The following NRCAM variants were observed in gnomAD, a reference collection of about 807,000 sequenced individuals.
NRCAM encodes NgCAM-related cell adhesion molecule.
A neutral mutation model predicts 156.5 loss-of-function variants in NRCAM; 83 were observed. The ratio of observed to expected loss-of-function variants is 0.53; its 90% CI spans 0.44 to 0.64. The LOEUF is 0.64. Ranked by LOEUF, NRCAM falls within the 30% of genes least tolerant of loss-of-function variation. The pLI is 0.00. For synonymous variants in NRCAM, 538 were observed against 563.9 expected (o/e 0.95, Z 0.65); for missense variants, 1,417 against 1,597.3 (o/e 0.89, Z 1.92).
At chr7:108,329,559 C>A (rs1419347024) in intron 2 of NRCAM, among the ~76,000 whole-genome samples, 1 of 152,176 alleles carries the variant, frequency 6.6e-6, no homozygotes, top group African/African-American at 2.4e-5. Flanking sequence ...TACGGTTATT[C>A]ACTTCCAAAC....
intron 2 of NRCAM, among the ~76,000 whole-genome samples, chr7:108,372,048 C>G (rs189428213): frequency 6.6e-6 from 1 of 152,086 alleles, no homozygotes; most frequent in East Asian, 1.9e-4. Flanking sequence ...GAACAGCAAG[C>G]CCAGAAATAA....
intron 2 of NRCAM, among the ~76,000 whole-genome samples, chr7:108,358,291 G>C (rs2099521835): frequency 6.7e-6 from 1 of 150,086 alleles, no homozygotes; most frequent in South Asian, 2.1e-4. Context: ...TGTAGTCCCA[G>C]CTACTCGGGA....
At chr7:108,193,438 C>G (rs1165859163) in intron 17 of NRCAM, among the ~76,000 whole-genome samples, 3 of 152,220 alleles carry the variant, frequency 2.0e-5, no homozygotes, top group Non-Finnish European at 4.4e-5. Flanking sequence ...CATATCTACT[C>G]TGTACTACTA....
chr7:108,184,377 T>C, intron 21 of NRCAM, 40 bp downstream of exon 21: 2 of 1,613,600 alleles, frequency 1.2e-6, no homozygotes, highest in Non-Finnish European at 1.7e-6. Flanking sequence ...AACTTTTTTA[T>C]TATATTTCGT....
At chr7:108,229,859 C>A (rs964031543) in intron 8 of NRCAM, among the ~76,000 whole-genome samples, 2 of 152,154 alleles carry the variant, frequency 1.3e-5, no homozygotes, top group Admixed American at 1.3e-4. Flanking sequence ...GGCAGAGCAA[C>A]AAACATGCCC....
intron 26 of NRCAM, among the ~76,000 whole-genome samples, chr7:108,176,959 T>A (rs1161206869): frequency 6.6e-6 from 1 of 152,186 alleles, no homozygotes; most frequent in African/African-American, 2.4e-5. Context: ...TTCAGAGGAC[T>A]TTTGCCAAAG....
chr7:108,372,552 A>G (rs1388918154), intron 2 of NRCAM, among the ~76,000 whole-genome samples: 1 of 144,952 alleles, frequency 6.9e-6, no homozygotes, highest in Non-Finnish European at 1.5e-5. Context: ...TTGAGCAGAC[A>G]TTTCTCCAAA....
At chr7:108,360,699 G>A (rs922225546) in intron 2 of NRCAM, among the ~76,000 whole-genome samples, 5 of 152,136 alleles carry the variant, frequency 3.3e-5, no homozygotes, top group Admixed American at 1.3e-4. Context: ...TACATTTATG[G>A]TCAACTGATT....
chr7:108,331,114 G>A (rs933326770), intron 2 of NRCAM, among the ~76,000 whole-genome samples: 13 of 152,242 alleles, frequency 8.5e-5, no homozygotes, highest in Non-Finnish European at 1.2e-4. Flanking sequence ...CAAAGTAGAT[G>A]CAGGCTGGGC....
chr7:108,331,309 G>A (rs1025989396), intron 2 of NRCAM, among the ~76,000 whole-genome samples: 4 of 152,008 alleles, frequency 2.6e-5, no homozygotes, highest in African/African-American at 9.7e-5. Context: ...GCTGAGGTAG[G>A]AGGATCCCTT....
At chr7:108,194,226 G>A in intron 16 of NRCAM, 36 bp downstream of exon 16, 1 of 1,610,694 alleles carries the variant, frequency 6.2e-7, no homozygotes, top group Non-Finnish European at 8.5e-7. Context: ...TTTGTTCAAA[G>A]TCATTTAAAA....
At chr7:108,410,929 C>T (rs1017856626) in intron 1 of NRCAM, among the ~76,000 whole-genome samples, 2 of 152,208 alleles carry the variant, frequency 1.3e-5, no homozygotes, top group African/African-American at 4.8e-5. Context: ...TCTTTCGTAT[C>T]ATCCCGATAA....
chr7:108,255,448 G>T (rs1435131929), intron 3 of NRCAM, among the ~76,000 whole-genome samples: 1 of 152,122 alleles, frequency 6.6e-6, no homozygotes, highest in Non-Finnish European at 1.5e-5. Context: ...GATTGCAGAC[G>T]GAGTCTCGCT....
chr7:108,159,343 C>T (rs1335249771), intron 32 of NRCAM, 120 bp downstream of exon 32: 1 of 858,500 alleles, frequency 1.2e-6, no homozygotes, highest in East Asian at 2.4e-5. Context: ...GGAAGTATCC[C>T]TAAACTTCTA....
At chr7:108,196,333 A>G (rs894049632) in intron 14 of NRCAM, among the ~76,000 whole-genome samples, 1 of 152,230 alleles carries the variant, frequency 6.6e-6, no homozygotes, top group Non-Finnish European at 1.5e-5. Flanking sequence ...AAATAGACAA[A>G]TGGGATTACA....
intron 13 of NRCAM, among the ~76,000 whole-genome samples, chr7:108,199,772 G>A (rs934152975): frequency 2.0e-5 from 3 of 152,118 alleles, no homozygotes; most frequent in African/African-American, 7.2e-5. Flanking sequence ...TTAATCACAT[G>A]TGCAAATTCC....
intron 3 of NRCAM, among the ~76,000 whole-genome samples, chr7:108,249,865 T>C (rs1040439186): frequency 2.0e-5 from 3 of 152,172 alleles, no homozygotes; most frequent in African/African-American, 7.2e-5. Context: ...AAGAATATAT[T>C]CCATTGTGAT....
chr7:108,175,456 G>A (rs2060123809), intron 27 of NRCAM, 99 bp from the exon 28 acceptor site: 3 of 1,081,584 alleles, frequency 2.8e-6, no homozygotes, highest in East Asian at 2.8e-5. Flanking sequence ...AAATGCTAAA[G>A]CATGCAAGAA....
In NRCAM at chr7:108,168,254, C is replaced by T. The variant is rs199911364; in HGVS notation, c.3313+23G>A. The stretch of plus-strand genomic sequence containing the variant: ...AAAATGCATCCCCCAAATTAAAAAT[C>T]GGGTAATGAAATTGTTTCTTACTGC... On this transcript the variant is annotated intron_variant, in intron 29 of 32. Transcript: ENST00000379028. The T allele has an allele frequency of 1.1e-4, 170 of 1,481,860 alleles. 1 individual carries two copies. In the East Asian group the frequency reaches 1.2e-3, roughly 10 times the overall value. The allele number at this position is 1,481,860 out of a possible 1,614,324, so 91.8% of individuals were successfully genotyped here.
Sources: allele counts gnomAD v4.1 joint callset (sites outside exome capture counted in the v4.1 genomes callset), GRCh38; gene constraint gnomAD v4.1.1; transcripts MANE v1.5; gene names NCBI Gene and HGNC (gene_info 2026-07-23, HGNC 2026-07-21).